PVT1: variants seen among roughly 807,000 people sequenced by gnomAD.
PVT1 encodes the protein CXCR4/PVT1 fusion.
intron 3 of PVT1, among the ~76,000 whole-genome samples, chr8:127,949,547 AC>A (rs563942006): frequency 1.3e-5 from 2 of 149,062 alleles, no homozygotes; most frequent in South Asian, 4.3e-4. Context: ...CTATTCAGCC[AC>A]CCCCACCCCC....
At chr8:127,967,889 T>G (rs1816720828) in intron 3 of PVT1, among the ~76,000 whole-genome samples, 1 of 152,216 alleles carries the variant, frequency 6.6e-6, no homozygotes, top group Non-Finnish European at 1.5e-5. Flanking sequence ...TCTGGTCAGT[T>G]TGCCTCCACT....
At chr8:127,877,125 A>G (rs6470588) in intron 2 of PVT1, among the ~76,000 whole-genome samples, 1 of 151,734 alleles carries the variant, frequency 6.6e-6, no homozygotes, top group Non-Finnish European at 1.5e-5. Context: ...GCCGAGGAGG[A>G]CAACTCCCCA....
intron 5 of PVT1, among the ~76,000 whole-genome samples, chr8:128,081,929 G>C (rs930825408): frequency 6.6e-6 from 1 of 152,132 alleles, no homozygotes; most frequent in African/African-American, 2.4e-5. Flanking sequence ...AGACAAGCTG[G>C]AAGATTCTTA....
chr8:128,017,594 A>ATTT (rs571581812), intron 4 of PVT1, among the ~76,000 whole-genome samples: 4 of 140,764 alleles, frequency 2.8e-5, no homozygotes, highest in South Asian at 2.2e-4. Flanking sequence ...ACCAAGCGCT[A>ATTT]TTTTTTTTTT....
chr8:127,880,041 T>C (rs1257412197), intron 2 of PVT1, among the ~76,000 whole-genome samples: 2 of 152,224 alleles, frequency 1.3e-5, no homozygotes, highest in African/African-American at 4.8e-5. Context: ...TCTCACATTC[T>C]ATGTGGTCCA....
In PVT1 at chr8:128,008,931, A is replaced by G. The variant is rs1273665352; in HGVS notation, n.912+19640A>G. The stretch of plus-strand genomic sequence containing the variant: ...ATGTAGATGTTTAAGCTCTTGCAGT[A>G]GGTTTTTGCAAGCTAGTGAACGCTG... On this transcript the variant is annotated intron_variant and non_coding_transcript_variant, in intron 4 of 10. Coordinates refer to ENST00000651587, the Ensembl canonical transcript of PVT1. 1.5e-5 allele frequency: 8 copies of G among 526,462 alleles called. No homozygotes were observed. In the East Asian group the frequency reaches 1.6e-4, roughly 11 times the overall value. 32.6% of individuals were successfully genotyped at this position (526,462 alleles called of 1,614,324 possible).
intron 3 of PVT1, chr8:127,948,168 G>A: frequency 2.7e-6 from 1 of 365,694 alleles, no homozygotes; most frequent in Non-Finnish European, 5.3e-6. Context: ...CCTGACAAAG[G>A]GATACAGTAT....
intron 3 of PVT1, among the ~76,000 whole-genome samples, chr8:127,934,401 T>C (rs1326772906): frequency 6.6e-6 from 1 of 152,218 alleles, no homozygotes; most frequent in African/African-American, 2.4e-5. Context: ...ATTGGGCCCC[T>C]TGAAGCCTTC....
At chr8:127,916,204 G>C (rs12335152) in intron 3 of PVT1, among the ~76,000 whole-genome samples, 6,271 of 152,314 alleles carry the variant, frequency 0.041, 427 homozygotes, top group African/African-American at 0.14. Context: ...GGGGTTTTGT[G>C]AGGATTAAAC....
intron 3 of PVT1, among the ~76,000 whole-genome samples, chr8:127,975,991 G>T (rs538220638): frequency 1.3e-5 from 2 of 152,190 alleles, no homozygotes; most frequent in Non-Finnish European, 2.9e-5. Flanking sequence ...TAGCTCTCCA[G>T]CTGGAACCTT....
At chr8:127,872,784 C>T (rs1815364901) in intron 2 of PVT1, among the ~76,000 whole-genome samples, 1 of 152,160 alleles carries the variant, frequency 6.6e-6, no homozygotes, top group Non-Finnish European at 1.5e-5. Flanking sequence ...ACAGTCTTGC[C>T]ACTGTCAAAG....
At chr8:128,003,849 G>T (rs998616917) in intron 4 of PVT1, among the ~76,000 whole-genome samples, 6 of 152,228 alleles carry the variant, frequency 3.9e-5, no homozygotes, top group African/African-American at 1.4e-4. Context: ...TATTTGGGCT[G>T]CTATAACAAA....
At chr8:128,053,019 T>C (rs1054599664) in intron 4 of PVT1, among the ~76,000 whole-genome samples, 2 of 152,200 alleles carry the variant, frequency 1.3e-5, no homozygotes, top group Non-Finnish European at 2.9e-5. Flanking sequence ...CCAGCAAAGA[T>C]GCTCAGCAAA....
intron 3 of PVT1, among the ~76,000 whole-genome samples, chr8:127,919,509 A>G (rs904318520): frequency 6.6e-6 from 1 of 151,046 alleles, no homozygotes; most frequent in African/African-American, 2.4e-5. Flanking sequence ...ATTTTTTCTC[A>G]CTCTTCATCC....
chr8:127,941,257 T>C (rs1351594126), intron 3 of PVT1, among the ~76,000 whole-genome samples: 1 of 152,236 alleles, frequency 6.6e-6, no homozygotes, highest in Non-Finnish European at 1.5e-5. Flanking sequence ...TAAGGATTCA[T>C]GTGATTGGAC....
chr8:128,033,898 C>T (rs986745878), intron 4 of PVT1, among the ~76,000 whole-genome samples: 1 of 152,036 alleles, frequency 6.6e-6, no homozygotes, highest in East Asian at 1.9e-4. Context: ...TGCCTGAGGC[C>T]CCTCTCCACA....
At chr8:128,099,323 G>C (rs1423668327) in intron 6 of PVT1, 1 of 152,248 alleles carries the variant, frequency 6.6e-6, no homozygotes, top group Non-Finnish European at 1.5e-5. Context: ...AGCCAGGCGG[G>C]AGGGTCCTCT....
chr8:127,933,587 G>T (rs989647215), intron 3 of PVT1, among the ~76,000 whole-genome samples: 3 of 152,208 alleles, frequency 2.0e-5, no homozygotes, highest in Non-Finnish European at 4.4e-5. Flanking sequence ...GCAGGAGAGA[G>T]ACTGGTGAGG....
At chr8:128,073,235 G>A (rs909951492) in intron 5 of PVT1, among the ~76,000 whole-genome samples, 3 of 152,112 alleles carry the variant, frequency 2.0e-5, no homozygotes, top group South Asian at 2.1e-4. Context: ...TAAGCAAAAA[G>A]GATGGCTTCA....
Sources: gnomAD v4.1 joint callset for allele counts (sites outside exome capture counted in the v4.1 genomes callset) on GRCh38, gnomAD v4.1.1 for gene constraint, MANE v1.5 for transcripts, NCBI Gene and HGNC (gene_info 2026-07-23, HGNC 2026-07-21) for gene names.